Variants in MMP16 observed in about 807,000 individuals in gnomAD.
MMP16 encodes matrix metalloproteinase-16.
In MMP16, 12 loss-of-function variants were observed where a neutral mutation model predicts 67.8. That is an observed-to-expected ratio of 0.18 (90% CI 0.11 to 0.29). The LOEUF is 0.29. MMP16 is among the 10% of genes least tolerant of loss of function. The probability of loss-of-function intolerance (pLI) is 1.00; values close to 1 mark genes in which losing one functional copy is unlikely to be tolerated. For missense variants in MMP16, 475 were observed against 765.7 expected, an observed-to-expected ratio of 0.62 and a Z score of 4.48; for synonymous variants, 249 against 255.9, an observed-to-expected ratio of 0.97 and a Z score of 0.26.
chr8:88,303,599 CAGA>C (rs547021407), intron 1 of MMP16, among the ~76,000 whole-genome samples: 63 of 152,326 alleles, frequency 4.1e-4, no homozygotes, highest in Middle Eastern at 3.4e-3. Context: ...ACAGAGCCTT[CAGA>C]AGAAGGAGTA....
chr8:88,229,281 A>G (rs561362609), intron 1 of MMP16, among the ~76,000 whole-genome samples: 1 of 152,224 alleles, frequency 6.6e-6, no homozygotes, highest in South Asian at 2.1e-4. Context: ...TAATGTAACT[A>G]TTTTCCTATT....
intron 1 of MMP16, among the ~76,000 whole-genome samples, chr8:88,285,857 T>C (rs1031274333): frequency 6.6e-6 from 1 of 152,190 alleles, no homozygotes; most frequent in Non-Finnish European, 1.5e-5. Flanking sequence ...TTAAACAAAT[T>C]CAGGCATTCC....
chr8:88,205,902 C>T (rs922317965), intron 1 of MMP16, among the ~76,000 whole-genome samples: 9 of 152,048 alleles, frequency 5.9e-5, no homozygotes, highest in African/African-American at 1.7e-4. Context: ...TACTCATAAT[C>T]GATATCAGTC....
At chr8:88,151,275 C>G (rs963835583) in intron 4 of MMP16, among the ~76,000 whole-genome samples, 4 of 145,824 alleles carry the variant, frequency 2.7e-5, no homozygotes, top group African/African-American at 1.0e-4. Context: ...GAGACTTTAA[C>G]ACCCCACTGT....
intron 7 of MMP16, among the ~76,000 whole-genome samples, chr8:88,064,223 A>C (rs1482725028): frequency 6.6e-6 from 1 of 152,156 alleles, no homozygotes; most frequent in East Asian, 1.9e-4. Context: ...TTTTACAGGA[A>C]AGATTAGAAA....
At chr8:88,273,993 T>A (rs535026529) in intron 1 of MMP16, among the ~76,000 whole-genome samples, 1 of 152,122 alleles carries the variant, frequency 6.6e-6, no homozygotes, top group Non-Finnish European at 1.5e-5. Flanking sequence ...ATCATCATCA[T>A]CAACATTGCT....
At chr8:88,136,950 T>C (rs548414623) in intron 4 of MMP16, among the ~76,000 whole-genome samples, 1 of 152,048 alleles carries the variant, frequency 6.6e-6, no homozygotes, top group South Asian at 2.1e-4. Context: ...ACAGTTCTAA[T>C]ACATATGTTT....
intron 6 of MMP16, among the ~76,000 whole-genome samples, chr8:88,100,849 G>C (rs62525935): frequency 0.18 from 27,906 of 151,780 alleles, 3,006 homozygotes; most frequent in Middle Eastern, 0.26. Flanking sequence ...AAGCTGGAAA[G>C]TATCATTCTC....
At chr8:88,305,131 C>T (rs1811193721) in intron 1 of MMP16, among the ~76,000 whole-genome samples, 1 of 152,106 alleles carries the variant, frequency 6.6e-6, no homozygotes, top group Non-Finnish European at 1.5e-5. Context: ...ACAAAAAAAG[C>T]AGGGATTGCA....
At chr8:88,060,425 C>T (rs1808383090) in intron 7 of MMP16, among the ~76,000 whole-genome samples, 1 of 152,038 alleles carries the variant, frequency 6.6e-6, no homozygotes, top group Non-Finnish European at 1.5e-5. Context: ...TTGATTTTTG[C>T]CTCTCTTTTG....
intron 1 of MMP16, among the ~76,000 whole-genome samples, chr8:88,326,388 G>C (rs1390715222): frequency 6.6e-6 from 1 of 152,114 alleles, no homozygotes; most frequent in African/African-American, 2.4e-5. Context: ...TTTGCCACGA[G>C]AGTGTGAAAT....
intron 6 of MMP16, 28 bp downstream of exon 6, chr8:88,116,479 T>TAA (rs750842950): frequency 8.2e-4 from 1,042 of 1,264,626 alleles, no homozygotes; most frequent in South Asian, 1.3e-3. Flanking sequence ...GATCTACTGT[T>TAA]AAAAAAAAAA....
chr8:88,228,908 C>A (rs1809812584), intron 1 of MMP16, among the ~76,000 whole-genome samples: 1 of 151,914 alleles, frequency 6.6e-6, no homozygotes, highest in South Asian at 2.1e-4. Context: ...TGCCTGTAAC[C>A]TCAGCACTTT....
At chr8:88,249,734 T>C (rs1470347535) in intron 1 of MMP16, among the ~76,000 whole-genome samples, 2 of 152,004 alleles carry the variant, frequency 1.3e-5, no homozygotes, top group Non-Finnish European at 2.9e-5. Context: ...AGACTACCAC[T>C]GGCTGTAGAG....
intron 1 of MMP16, among the ~76,000 whole-genome samples, chr8:88,230,811 C>T (rs545633280): frequency 3.9e-5 from 6 of 152,034 alleles, no homozygotes; most frequent in Non-Finnish European, 7.4e-5. Context: ...TTTTCTTATT[C>T]ATGAATTTGC....
intron 1 of MMP16, among the ~76,000 whole-genome samples, chr8:88,274,565 TG>T (rs1810615460): frequency 1.3e-5 from 2 of 152,016 alleles, no homozygotes; most frequent in African/African-American, 4.8e-5. Flanking sequence ...ATTGAATAAA[TG>T]CATGAAGGAA....
chr8:88,264,031 CACATAT>C (rs1233358408), intron 1 of MMP16, among the ~76,000 whole-genome samples: 53 of 40,342 alleles, frequency 1.3e-3, no homozygotes, highest in Middle Eastern at 0.014. Context: ...ACAAAAATGG[CACATAT>C]ATATATATAT....
chr8:88,136,266 G>C (rs1207299478), intron 4 of MMP16, among the ~76,000 whole-genome samples: 1 of 151,910 alleles, frequency 6.6e-6, no homozygotes, highest in Non-Finnish European at 1.5e-5. Flanking sequence ...TGAGAGTGTA[G>C]GAGGAGTGAA....
rs753453823 is a variant in MMP16 at position 88,034,408 on chromosome 8, C to T, written c.*7053G>A. ...GAATTGGAGGAGCAGAAAAACCAGG[C>T]ACACATACCCTTGCTTGGAAATTGT... On this transcript the variant is annotated 3_prime_UTR_variant, in exon 10 of 10. Coordinates refer to ENST00000286614, the MANE Select transcript of MMP16 (RefSeq NM_005941.5). 6 of 152,336 alleles carry T rather than the reference C, an allele frequency of 3.9e-5. No individual in the cohort carries two copies. The highest frequency in any genetic ancestry group is 8.8e-5 in the Non-Finnish European group (6 of 67,930). The allele number at this position is 152,336 out of a possible 1,614,324, so 9.4% of individuals were successfully genotyped here. A position where few individuals can be genotyped will look rare whatever the true frequency, so the allele number is the denominator to read the frequency against.
Sources: allele counts gnomAD v4.1 joint callset (sites outside exome capture counted in the v4.1 genomes callset), GRCh38; gene constraint gnomAD v4.1.1; transcripts MANE v1.5; gene names NCBI Gene and HGNC (gene_info 2026-07-23, HGNC 2026-07-21).